STK3: variants seen among roughly 807,000 people sequenced by gnomAD.
STK3 encodes the protein serine/threonine-protein kinase 3.
In STK3, 41 loss-of-function variants were observed where a neutral mutation model predicts 58.0. The ratio of observed to expected loss-of-function variants is 0.71; its 90% CI spans 0.55 to 0.92. STK3 has a LOEUF of 0.92. STK3 is among the 40% of genes least tolerant of loss of function. STK3 has a pLI of 0.00. For synonymous variants in STK3, 170 were observed against 191.0 expected (o/e 0.89, Z 0.91); for missense variants, 479 against 602.7 (o/e 0.79, Z 2.15).
At chr8:98,912,759 C>A (rs1430291532) in intron 1 of STK3, among the ~76,000 whole-genome samples, 1 of 152,084 alleles carries the variant, frequency 6.6e-6, no homozygotes, top group Non-Finnish European at 1.5e-5. Flanking sequence ...ACTATAAGAC[C>A]AAGGGAAATG....
intron 6 of STK3, among the ~76,000 whole-genome samples, chr8:98,683,954 T>C (rs1823806309): frequency 6.6e-6 from 1 of 152,166 alleles, no homozygotes. Flanking sequence ...TATTTTCATT[T>C]GATGGAAAAC....
At chr8:98,400,399 T>C (rs1817931085), downstream of STK3, among the ~76,000 whole-genome samples, 1 of 152,208 alleles carries the variant, frequency 6.6e-6, no homozygotes, top group Admixed American at 6.5e-5. Context: ...AGGTGACATG[T>C]AGACACAGCA....
chr8:98,808,062 G>A (rs995812312), intron 1 of STK3, among the ~76,000 whole-genome samples: 2 of 152,102 alleles, frequency 1.3e-5, no homozygotes, highest in African/African-American at 4.8e-5. Context: ...CATGTTCAAA[G>A]GTCAGATAAA....
At chr8:98,717,095 C>T (rs1449078891) in intron 4 of STK3, among the ~76,000 whole-genome samples, 2 of 151,452 alleles carry the variant, frequency 1.3e-5, no homozygotes, top group South Asian at 2.1e-4. Context: ...GGGCAAAAAC[C>T]TCATGATACC....
At chr8:98,460,331 T>A (rs1039348741) in intron 10 of STK3, among the ~76,000 whole-genome samples, 3 of 152,210 alleles carry the variant, frequency 2.0e-5, no homozygotes, top group Admixed American at 2.0e-4. Flanking sequence ...ATAAGAGCAT[T>A]TATCCAATGC....
At chr8:98,782,653 A>G (rs1166420872) in intron 1 of STK3, 1 of 187,378 alleles carries the variant, frequency 5.3e-6, no homozygotes, top group Admixed American at 6.1e-5. Context: ...TTGTCTGTAC[A>G]TAGTGGTCTT....
At position 98,416,943 on chromosome 8, in the gene STK3, C is replaced by A. The variant is rs189357235; in HGVS notation, n.484-15430G>T. ...CAGCTTGGCTTTGTCCTGGGGGAATCCTCCAGAGCCCACAGACAGACCAGC... is the reference window on the plus strand; with the variant it reads ...CAGCTTGGCTTTGTCCTGGGGGAATACTCCAGAGCCCACAGACAGACCAGC... On this transcript the variant is annotated intron_variant and non_coding_transcript_variant, in intron 3 of 3. Coordinates refer to the STK3 transcript ENST00000517832. 2.6e-4 allele frequency among the ~76,000 whole-genome samples: 40 copies of A among 152,280 alleles called. No homozygotes were observed. The East Asian group carries it at 6.2e-3, about 24-fold the overall frequency.
At chr8:98,661,399 TG>T (rs1234286263) in intron 6 of STK3, among the ~76,000 whole-genome samples, 1 of 152,126 alleles carries the variant, frequency 6.6e-6, no homozygotes, top group African/African-American at 2.4e-5. Flanking sequence ...TTTATATCTC[TG>T]GGACCTGTCC....
intron 8 of STK3, among the ~76,000 whole-genome samples, chr8:98,557,853 A>G (rs1319369165): frequency 2.6e-5 from 4 of 152,100 alleles, no homozygotes; most frequent in South Asian, 2.1e-4. Flanking sequence ...AGTTACATCA[A>G]AGCTTTCAGG....
At chr8:98,545,336 G>C (rs1563725102) in intron 9 of STK3, among the ~76,000 whole-genome samples, 1 of 152,176 alleles carries the variant, frequency 6.6e-6, no homozygotes. Context: ...CATTCCATGG[G>C]GAATGAGGAG....
intron 1 of STK3, among the ~76,000 whole-genome samples, chr8:98,893,516 G>GA (rs1319147379): frequency 4.3e-4 from 53 of 123,122 alleles, no homozygotes; most frequent in Non-Finnish European, 7.6e-4. Flanking sequence ...AAGAAAGAAA[G>GA]AAAGAAAGAA....
At chr8:98,686,194 A>G (rs1011667273) in intron 6 of STK3, among the ~76,000 whole-genome samples, 5 of 152,126 alleles carry the variant, frequency 3.3e-5, no homozygotes, top group Admixed American at 1.3e-4. Context: ...GTGGTACCTG[A>G]TAAGTGTGCA....
At chr8:98,589,907 CCT>C (rs1815121923) in intron 7 of STK3, among the ~76,000 whole-genome samples, 1 of 152,316 alleles carries the variant, frequency 6.6e-6, no homozygotes, top group South Asian at 2.1e-4. Context: ...AAGGGAACCC[CCT>C]GACCCCTTGC....
At chr8:98,851,633 A>T (rs1402519653) in intron 3 of STK3, among the ~76,000 whole-genome samples, 2 of 152,198 alleles carry the variant, frequency 1.3e-5, no homozygotes, top group African/African-American at 2.4e-5. Context: ...AGGAGAAGAC[A>T]GAGAAGGATG....
intron 3 of STK3, among the ~76,000 whole-genome samples, chr8:98,752,919 C>A (rs901808266): frequency 6.7e-6 from 1 of 149,720 alleles, no homozygotes; most frequent in Non-Finnish European, 1.5e-5. Flanking sequence ...CATGTTACAC[C>A]AGTCAGAATG....
At chr8:98,597,093 G>A (rs1586969543) in intron 6 of STK3, among the ~76,000 whole-genome samples, 1 of 152,012 alleles carries the variant, frequency 6.6e-6, no homozygotes, top group African/African-American at 2.4e-5. Flanking sequence ...GGTGAAAAAA[G>A]GAAGCATGAA....
intron 6 of STK3, among the ~76,000 whole-genome samples, chr8:98,637,624 A>G (rs768270232): frequency 6.6e-6 from 1 of 152,182 alleles, no homozygotes; most frequent in African/African-American, 2.4e-5. Context: ...CTCCTGCATA[A>G]TATCAGTTTT....
At chr8:98,896,404 G>C (rs1449630647) in intron 1 of STK3, among the ~76,000 whole-genome samples, 1 of 152,196 alleles carries the variant, frequency 6.6e-6, no homozygotes, top group African/African-American at 2.4e-5. Context: ...CTGTGCTGTA[G>C]AAGTGAGGGA....
rs368208671 is a variant in STK3 at position 98,899,114 on chromosome 8, A to T, written c.-78-15280T>A. Among the ~76,000 whole-genome samples the T allele has an allele frequency of 5.3e-5, 8 of 152,354 alleles. No homozygotes were observed. In the East Asian group the frequency reaches 1.3e-3, roughly 26 times the overall value. On this transcript the variant is annotated intron_variant, in intron 1 of 1. Transcript: ENST00000519420. ...AAACAAAATATGGCACTATGTTTTC[A>T]ACTATCATTTCAAAAGCAGATTTAA...
Sources: allele counts gnomAD v4.1 joint callset (sites outside exome capture counted in the v4.1 genomes callset), GRCh38; gene constraint gnomAD v4.1.1; transcripts MANE v1.5; gene names NCBI Gene and HGNC (gene_info 2026-07-23, HGNC 2026-07-21).